The following MAGI2 variants were observed in gnomAD, a reference collection of about 807,000 sequenced individuals.
The protein encoded by MAGI2 is membrane associated guanylate kinase, WW and PDZ domain containing 2.
MAGI2 carries 35 observed loss-of-function variants against 133.3 expected under a neutral mutation model. The observed-to-expected ratio is 0.26, with a 90% confidence interval of 0.20 to 0.35. MAGI2 has a LOEUF of 0.35. MAGI2 is among the 10% of genes least tolerant of loss of function. The pLI, the probability that MAGI2 is intolerant of heterozygous loss-of-function variation, is 1.00. For synonymous variants in MAGI2, 729 were observed against 710.6 expected, an observed-to-expected ratio of 1.03 and a Z score of -0.41; for missense variants, 1,636 against 1,863.4, an observed-to-expected ratio of 0.88 and a Z score of 2.25.
chr7:78,917,370 T>C (rs1360842270), intron 2 of MAGI2, among the ~76,000 whole-genome samples: 1 of 151,842 alleles, frequency 6.6e-6, no homozygotes, highest in Non-Finnish European at 1.5e-5. Context: ...CTGGAGGAAG[T>C]GACACAGGTA....
intron 2 of MAGI2, among the ~76,000 whole-genome samples, chr7:78,825,746 A>G (rs1790570230): frequency 6.6e-6 from 1 of 152,136 alleles, no homozygotes; most frequent in Non-Finnish European, 1.5e-5. Flanking sequence ...AATGCATGTA[A>G]GCCTGTCAGT....
chr7:79,234,824 C>T (rs1178000739), intron 1 of MAGI2, among the ~76,000 whole-genome samples: 1 of 151,444 alleles, frequency 6.6e-6, no homozygotes, highest in East Asian at 1.9e-4. Flanking sequence ...CAGCTTTGTT[C>T]CGTTGCTGGT....
At chr7:78,609,084 A>ATT (rs1806145244) in intron 3 of MAGI2, among the ~76,000 whole-genome samples, 1 of 152,164 alleles carries the variant, frequency 6.6e-6, no homozygotes, top group African/African-American at 2.4e-5. Context: ...CCAGTCTTAC[A>ATT]TTTTCACGTT....
In MAGI2 at chr7:79,315,313, C is replaced by G. The variant is rs185212956; in HGVS notation, c.301+137707G>C. ...AGCTGGGATTACAGGCATGTGCAAC[C>G]ATGCCCAGTTAATTTTTTTTTTTTT... On this transcript the variant is annotated intron_variant, in intron 1 of 21. Transcript: ENST00000354212. Among the ~76,000 whole-genome samples, 623 of 148,766 alleles carry G rather than the reference C, an allele frequency of 4.2e-3. 3 individuals carry two copies. The highest frequency in any genetic ancestry group is 6.4e-3 in the Non-Finnish European group (431 of 67,492).
At chr7:78,657,821 T>C (rs1388519112) in intron 2 of MAGI2, among the ~76,000 whole-genome samples, 4 of 152,184 alleles carry the variant, frequency 2.6e-5, no homozygotes, top group Admixed American at 1.3e-4. Flanking sequence ...TGAGTGATAA[T>C]GTACGTGTTC....
intron 2 of MAGI2, among the ~76,000 whole-genome samples, chr7:78,785,406 T>C (rs1468937529): frequency 6.6e-6 from 1 of 152,232 alleles, no homozygotes; most frequent in Middle Eastern, 3.2e-3. Flanking sequence ...TCTATTTTAA[T>C]TTTTACAAAT....
chr7:78,187,506 G>A (rs1043958879), intron 12 of MAGI2, among the ~76,000 whole-genome samples: 4 of 152,046 alleles, frequency 2.6e-5, no homozygotes, highest in African/African-American at 9.7e-5. Flanking sequence ...AAAAAAATGA[G>A]TATTTTATCC....
intron 1 of MAGI2, among the ~76,000 whole-genome samples, chr7:79,203,550 T>C (rs1236740166): frequency 1.3e-5 from 2 of 152,020 alleles, no homozygotes; most frequent in East Asian, 1.9e-4. Flanking sequence ...TACTATGTTA[T>C]AGCACCATTG....
intron 1 of MAGI2, among the ~76,000 whole-genome samples, chr7:79,191,402 CTTTTTTT>C (rs71095386): frequency 9.2e-3 from 205 of 22,288 alleles, no homozygotes; most frequent in South Asian, 0.024. Flanking sequence ...CTTTTTCTTT[CTTTTTTT>C]TTTTTTTTTT....
At chr7:78,646,849 T>C (rs1448377019) in intron 2 of MAGI2, among the ~76,000 whole-genome samples, 3 of 152,190 alleles carry the variant, frequency 2.0e-5, no homozygotes, top group African/African-American at 7.2e-5. Context: ...TTCAAAAGTA[T>C]TGCTTTTCCT....
intron 3 of MAGI2, among the ~76,000 whole-genome samples, chr7:78,619,767 A>G (rs1807521698): frequency 6.6e-6 from 1 of 151,908 alleles, no homozygotes; most frequent in Non-Finnish European, 1.5e-5. Context: ...TCTGAACACA[A>G]ATTGAATCAC....
At chr7:78,532,462 G>C (rs966158420) in intron 3 of MAGI2, among the ~76,000 whole-genome samples, 10 of 152,126 alleles carry the variant, frequency 6.6e-5, no homozygotes, top group African/African-American at 1.9e-4. Context: ...CCTTTCATTT[G>C]CATCCATCCC....
At chr7:79,168,889 G>GATAT (rs1182056135) in intron 1 of MAGI2, among the ~76,000 whole-genome samples, 382 of 14,032 alleles carry the variant, frequency 0.027, 4 homozygotes, top group Middle Eastern at 0.083. Flanking sequence ...TCTAAAGATA[G>GATAT]ATATATATAT....
At chr7:78,029,593 C>T (rs1438235203) in intron 21 of MAGI2, among the ~76,000 whole-genome samples, 1 of 152,244 alleles carries the variant, frequency 6.6e-6, no homozygotes. Context: ...GTCCCAACCG[C>T]AGAGGCCCTT....
chr7:78,823,379 C>T (rs1004513363), intron 2 of MAGI2, among the ~76,000 whole-genome samples: 2 of 151,836 alleles, frequency 1.3e-5, no homozygotes, highest in Non-Finnish European at 2.9e-5. Flanking sequence ...GTCAGGAGAT[C>T]GAGACTATCC....
At chr7:78,906,984 C>A (rs539744653) in intron 2 of MAGI2, among the ~76,000 whole-genome samples, 2 of 152,238 alleles carry the variant, frequency 1.3e-5, no homozygotes, top group Non-Finnish European at 2.9e-5. Flanking sequence ...CAAGTCCAGC[C>A]GACCTTTGAT....
At chr7:78,644,643 T>C (rs1810656839) in intron 2 of MAGI2, among the ~76,000 whole-genome samples, 1 of 152,138 alleles carries the variant, frequency 6.6e-6, no homozygotes, top group South Asian at 2.1e-4. Context: ...GGGATGTTGC[T>C]AAAGCAAGAA....
intron 1 of MAGI2, among the ~76,000 whole-genome samples, chr7:79,245,902 C>A (rs892058888): frequency 6.6e-6 from 1 of 152,136 alleles, no homozygotes. Flanking sequence ...GTCACCCTTC[C>A]CCCAGCACCA....
chr7:78,249,339 T>C (rs375909165), intron 10 of MAGI2, among the ~76,000 whole-genome samples: 5 of 152,088 alleles, frequency 3.3e-5, no homozygotes, highest in African/African-American at 9.7e-5. Flanking sequence ...AACTACTACA[T>C]GATCAGTAAT....
Sources: allele counts gnomAD v4.1 joint callset (sites outside exome capture counted in the v4.1 genomes callset), GRCh38; gene constraint gnomAD v4.1.1; transcripts MANE v1.5; gene names NCBI Gene and HGNC (gene_info 2026-07-23, HGNC 2026-07-21).